KCNK6: variants seen among roughly 807,000 people sequenced by gnomAD.
The protein encoded by KCNK6 is potassium channel subfamily K member 6.
KCNK6 carries 20 observed loss-of-function variants against 21.9 expected under a neutral mutation model. The observed-to-expected ratio is 0.91, with a 90% CI of 0.64 to 1.32. The LOEUF (loss-of-function observed/expected upper bound fraction) is 1.32, where lower values mean the gene tolerates loss of function less well. Among genes scored for constraint, KCNK6 ranks in the 40% most tolerant of loss-of-function variants. The pLI, the probability that KCNK6 is intolerant of heterozygous loss-of-function variation, is 0.00. For missense variants in KCNK6, 415 were observed against 433.1 expected (o/e 0.96, Z 0.37); for synonymous variants, 210 against 218.0 (o/e 0.96, Z 0.32).
In KCNK6 at chr19:38,320,241, C is replaced by G. The variant is rs1443451151; in HGVS notation, c.291C>G (p.Leu97=). 1 of 1,606,272 alleles carries G rather than the reference C, an allele frequency of 6.2e-7. No homozygotes were observed. Among genetic ancestry groups the G allele is most frequent in the Non-Finnish European group, 8.5e-7 (1 of 1,179,760 alleles). Residue 97 remains leucine (L), a synonymous_variant, in exon 1 of 3, where the codon CTC becomes CTG. Transcript: ENST00000263372. ...SDPAWDFASA[L]FFASTLITTV... is the part of the protein sequence containing the mutation. Reference sequence around the variant, plus strand: ...CCGCCTGGGACTTCGCCTCTGCTCTCTTCTTCGCCAGCACGCTGATCACCA... The same window carrying G: ...CCGCCTGGGACTTCGCCTCTGCTCTGTTCTTCGCCAGCACGCTGATCACCA...
Position 38,326,994 on chromosome 19 carries a change from C to G in KCNK6, c.718+6C>G. ...CTACAAGGTGCTGGTCACAGGTGAGCTGGGTGGCTAGGGCAGGGCTTTGAG... is the reference window on the plus strand; with the variant it reads ...CTACAAGGTGCTGGTCACAGGTGAGGTGGGTGGCTAGGGCAGGGCTTTGAG... On this transcript the variant is annotated splice_donor_region_variant and intron_variant, in intron 2 of 2. Coordinates refer to ENST00000263372, the MANE Select transcript of KCNK6 (RefSeq NM_004823.3). 1 of 1,593,420 alleles carries G rather than the reference C, an allele frequency of 6.3e-7. No homozygotes were observed. Among genetic ancestry groups the G allele is most frequent in the Non-Finnish European group, 8.5e-7 (1 of 1,175,566 alleles).
intron 1 of KCNK6, among the ~76,000 whole-genome samples, chr19:38,324,161 C>T (rs1316221993): frequency 6.6e-6 from 1 of 151,766 alleles, no homozygotes; most frequent in African/African-American, 2.4e-5. Flanking sequence ...AACTCCTGGG[C>T]TCAAGTAATC....
In KCNK6 at chr19:38,329,625, C is replaced by G. The variant is rs1969751558; in HGVS notation, c.*2222C>G. Reference sequence around the variant, plus strand: ...AGCACCCGTTAGTGTCCTTAAATGACCAGCATGGGAACCTGGTCTCTTTCC... The same window carrying G: ...AGCACCCGTTAGTGTCCTTAAATGAGCAGCATGGGAACCTGGTCTCTTTCC... On this transcript the variant is annotated 3_prime_UTR_variant, in exon 3 of 3. Transcript: ENST00000263372. 6.6e-6 allele frequency: 1 copy of G among 152,106 alleles called. No homozygotes were observed. Among genetic ancestry groups the G allele is most frequent in the East Asian group, 1.9e-4 (1 of 5,152 alleles). The allele number at this position is 152,106 out of a possible 1,614,324, so 9.4% of individuals were successfully genotyped here.
intron 1 of KCNK6, among the ~76,000 whole-genome samples, chr19:38,320,622 G>A (rs1446441692): frequency 2.0e-5 from 3 of 151,506 alleles, no homozygotes; most frequent in African/African-American, 7.3e-5. Context: ...GCAGTGGCAC[G>A]ATCTCGGATC....
At position 38,329,969 on chromosome 19, in the gene KCNK6, GGA is replaced by G. The variant is rs1969754049; in HGVS notation, c.*2569_*2570del. ...CCTGAGAGAAAGAGCAGGTTTTAGCGGAGACGCTGAGGCTGCTTTAGAATATG... is the reference window on the plus strand; with the variant it reads ...CCTGAGAGAAAGAGCAGGTTTTAGCGGACGCTGAGGCTGCTTTAGAATATG... On this transcript the variant is annotated 3_prime_UTR_variant, in exon 3 of 3. Coordinates refer to ENST00000263372, the MANE Select transcript of KCNK6 (RefSeq NM_004823.3). The G allele has an allele frequency of 6.6e-6, 1 of 152,452 alleles. No homozygotes were observed. Among genetic ancestry groups the G allele is most frequent in the Non-Finnish European group, 1.5e-5 (1 of 68,252 alleles). The allele number at this position is 152,452 out of a possible 1,614,324, so 9.4% of individuals were successfully genotyped here.
At position 38,326,846 on chromosome 19, in the gene KCNK6, T is replaced by C. The variant is rs3745951; in HGVS notation, c.576T>C (p.Phe192=). The C allele has an allele frequency of 0.19, 301,960 of 1,610,802 alleles. 29,736 individuals are homozygous for C. The highest frequency in any genetic ancestry group is 0.26 in the South Asian group (23,625 of 91,086). ...TVCFLVPAVI[F]AHLEEAWSFL... is the part of the protein sequence containing the mutation. ...GCTTTCTGGTGCCGGCTGTGATCTT[T>C]GCCCACCTCGAGGAGGCCTGGAGCT... Residue 192 remains phenylalanine (F), a synonymous_variant, in exon 2 of 3, where the codon TTT becomes TTC. Transcript: ENST00000263372.
rs561904634 is a variant in KCNK6, at chr19:38,326,973, A to C, written c.703A>C (p.Lys235Gln). The change falls in exon 2 of 3, where the codon AAG becomes CAG. Residue 235 changes from lysine to glutamine, a missense_variant. Physicochemically the swap from Lys to Gln is moderately conservative, Grantham distance 53. Coordinates refer to ENST00000263372, the MANE Select transcript of KCNK6 (RefSeq NM_004823.3). The part of the protein sequence containing the change: ...APGQPYRALY[K>Q]VLVTVYLFLG... Reference sequence around the variant, plus strand: ...TGGCCAGCCCTACCGGGCCCTCTACAAGGTGCTGGTCACAGGTGAGCTGGG... The same window carrying C: ...TGGCCAGCCCTACCGGGCCCTCTACCAGGTGCTGGTCACAGGTGAGCTGGG... The C allele has an allele frequency of 1.9e-6, 3 of 1,602,140 alleles. No individual in the cohort carries two copies. In the Admixed American group the frequency reaches 5.0e-5, roughly 27 times the overall value.
At position 38,327,575 on chromosome 19, in the gene KCNK6, C is replaced by T. The variant is rs1969726894; in HGVS notation, c.*172C>T. On this transcript the variant is annotated 3_prime_UTR_variant, in exon 3 of 3. Coordinates refer to ENST00000263372, the MANE Select transcript of KCNK6 (RefSeq NM_004823.3). ...TCTGGCTGGGATGTGAAGGGCAGCA[C>T]TCCCTGTCCCCATGTCCCGGGCTCC... is the stretch of plus-strand genomic sequence containing the variant. 1.6e-6 allele frequency: 1 copy of T among 633,338 alleles called. No homozygotes were observed. The allele number at this position is 633,338 out of a possible 1,614,324, so 39.2% of individuals were successfully genotyped here. A position where few individuals can be genotyped will look rare whatever the true frequency, so the allele number is the denominator to read the frequency against.
chr19:38,321,125 C>T (rs1168909276), intron 1 of KCNK6, among the ~76,000 whole-genome samples: 1 of 152,228 alleles, frequency 6.6e-6, no homozygotes, highest in African/African-American at 2.4e-5. Context: ...CAACCTCCTC[C>T]TGACCCTGGC....
In KCNK6 at chr19:38,328,650, G is replaced by A. The variant is rs1568366637; in HGVS notation, c.*1247G>A. 1 of 152,028 alleles carries A rather than the reference G, an allele frequency of 6.6e-6. No individual in the cohort carries two copies. Among genetic ancestry groups the A allele is most frequent in the Non-Finnish European group, 1.5e-5 (1 of 68,078 alleles). The allele number at this position is 152,028 out of a possible 1,614,324, so 9.4% of individuals were successfully genotyped here. On this transcript the variant is annotated 3_prime_UTR_variant, in exon 3 of 3. Coordinates refer to ENST00000263372, the MANE Select transcript of KCNK6 (RefSeq NM_004823.3). ...AGGCCAGGAGTTTGAGACTAGCCTAGGCAACACAGTGAGGCCTTATCTCAA... is the reference window on the plus strand; with the variant it reads ...AGGCCAGGAGTTTGAGACTAGCCTAAGCAACACAGTGAGGCCTTATCTCAA...
rs1600428713 is a variant in KCNK6, at chr19:38,328,926, AAGAAAG to A, written c.*1533_*1538del. 6.6e-6 allele frequency: 1 copy of A among 150,598 alleles called. No homozygotes were observed. The highest frequency in any genetic ancestry group is 6.6e-5 in the Admixed American group (1 of 15,116). 9.3% of individuals were successfully genotyped at this position (150,598 alleles called of 1,614,324 possible). A position where few individuals can be genotyped will look rare whatever the true frequency, so the allele number is the denominator to read the frequency against. On this transcript the variant is annotated 3_prime_UTR_variant, in exon 3 of 3. Transcript: ENST00000263372. ...GGAAAGATGGAAGGAAGGAAGGAAA[AAGAAAG>A]AGAAAGAGAGAGAGAGAGAAAGAAA...
chr19:38,322,153 A>T (rs1969658459), intron 1 of KCNK6, among the ~76,000 whole-genome samples: 1 of 152,212 alleles, frequency 6.6e-6, no homozygotes, highest in Non-Finnish European at 1.5e-5. Flanking sequence ...CTAAGGTCAC[A>T]CAGCAAAGAC....
intron 1 of KCNK6, among the ~76,000 whole-genome samples, chr19:38,323,607 T>C (rs897471152): frequency 1.3e-5 from 2 of 152,160 alleles, no homozygotes; most frequent in Non-Finnish European, 2.9e-5. Flanking sequence ...GAAGGGATTG[T>C]TTTTTGTTTT....
intron 1 of KCNK6, 37 bp downstream of exon 1, chr19:38,320,309 G>A: frequency 1.3e-6 from 2 of 1,599,438 alleles, no homozygotes; most frequent in South Asian, 1.1e-5. Flanking sequence ...GCGAGGACCC[G>A]GGATCCCCAC....
chr19:38,324,810 T>G (rs911705763), intron 1 of KCNK6, among the ~76,000 whole-genome samples: 1 of 152,170 alleles, frequency 6.6e-6, no homozygotes, highest in Non-Finnish European at 1.5e-5. Context: ...CAGGCTGGTC[T>G]CAAATTCCTG....
chr19:38,330,113 C>T lies in KCNK6; in HGVS notation c.*2710C>T. 1 of 152,366 alleles carries T rather than the reference C, an allele frequency of 6.6e-6. No individual in the cohort carries two copies. Among genetic ancestry groups the T allele is most frequent in the Non-Finnish European group, 1.5e-5 (1 of 68,172 alleles). The allele number at this position is 152,366 out of a possible 1,614,324, so 9.4% of individuals were successfully genotyped here. A position where few individuals can be genotyped will look rare whatever the true frequency, so the allele number is the denominator to read the frequency against. ...TGTGAGGCCGAGGCAGGTGGATCAC[C>T]TGAGGTCAGGAGTTCAAGACCAGCC... is the stretch of plus-strand genomic sequence containing the variant. On this transcript the variant is annotated 3_prime_UTR_variant, in exon 3 of 3. Transcript: ENST00000263372.
chr19:38,327,386 G>A lies in KCNK6; in HGVS notation c.925G>A (p.Ala309Thr), dbSNP rs201279966. The A allele has an allele frequency of 3.4e-5, 54 of 1,609,266 alleles. No homozygotes were observed. The highest frequency in any genetic ancestry group is 2.5e-4 in the East Asian group (11 of 44,886). Reference protein sequence around the residue: ...QLSASSHTDYASIPR With the variant: ...QLSASSHTDYTSIPR ...CTCTGCCAGCTCCCACACCGACTAC[G>A]CTTCCATCCCCAGGTAGCTGGGGCA... Residue 309 changes from alanine to threonine, a missense_variant, in exon 3 of 3, where the codon GCT (alanine) becomes ACT (threonine). Coordinates refer to ENST00000263372, the MANE Select transcript of KCNK6 (RefSeq NM_004823.3).
chr19:38,327,348 C>T lies in KCNK6; in HGVS notation c.887C>T (p.Ser296Leu), dbSNP rs549369957. 6.0e-5 allele frequency: 97 copies of T among 1,611,896 alleles called. 2 individuals are homozygous for T. In the South Asian group the frequency reaches 9.6e-4, roughly 16 times the overall value. ...RVDILGPQPE[S>L]HQQLSASSHT... ...GACATCCTGGGCCCCCAGCCGGAGT[C>T]GCACCAGCAACTCTCTGCCAGCTCC... The change falls in exon 3 of 3, where the codon TCG (serine) becomes TTG (leucine). Residue 296 changes from serine (S) to leucine (L), a missense_variant. Transcript: ENST00000263372.
chr19:38,327,683 C>G lies in KCNK6; in HGVS notation c.*280C>G. 1 of 488,392 alleles carries G rather than the reference C, an allele frequency of 2.0e-6. No individual in the cohort carries two copies. The allele number at this position is 488,392 out of a possible 1,614,324, so 30.3% of individuals were successfully genotyped here. A position where few individuals can be genotyped will look rare whatever the true frequency, so the allele number is the denominator to read the frequency against. On this transcript the variant is annotated 3_prime_UTR_variant, in exon 3 of 3. Transcript: ENST00000263372. ...TCTCTCTGGCTCTCTGGCATTCTCGCTGCCTCTGTCTTTCCCTCTTGCTGT... is the reference window on the plus strand; with the variant it reads ...TCTCTCTGGCTCTCTGGCATTCTCGGTGCCTCTGTCTTTCCCTCTTGCTGT...
Sources: gnomAD v4.1 joint callset for allele counts (sites outside exome capture counted in the v4.1 genomes callset) on GRCh38, gnomAD v4.1.1 for gene constraint, MANE v1.5 for transcripts, NCBI Gene and HGNC (gene_info 2026-07-23, HGNC 2026-07-21) for gene names.